Variants in TLCD4 observed in about 807,000 individuals in gnomAD.
The protein encoded by TLCD4 is TLC domain-containing protein 4.
A neutral mutation model predicts 24.2 loss-of-function variants in TLCD4; 7 were observed. The observed-to-expected ratio is 0.29, with a 90% CI of 0.16 to 0.54. TLCD4 has a LOEUF of 0.54. TLCD4 is among the 20% of genes least tolerant of loss of function. TLCD4 has a pLI of 0.95. For synonymous variants in TLCD4, 103 were observed against 106.4 expected (o/e 0.97, Z 0.20); for missense variants, 259 against 313.9 (o/e 0.82, Z 1.32).
chr1:95,112,023 G>A, the TLCD4 span, among the ~76,000 whole-genome samples: 4 of 152,204 alleles, frequency 2.6e-5, no homozygotes, highest in African/African-American at 9.6e-5. Context: ...GGTCAAGGAT[G>A]TCTCAATCTT....
chr1:95,175,174 ACT>A (rs373665039), intron 6 of TLCD4, among the ~76,000 whole-genome samples: 343 of 151,868 alleles, frequency 2.3e-3, no homozygotes, highest in African/African-American at 7.9e-3. Flanking sequence ...CAAAATTGAA[ACT>A]CTACGCCCAT....
At chr1:95,150,070 A>G (rs1043680691) in intron 3 of TLCD4, 138 bp from the exon 4 acceptor site, 1 of 1,240,816 alleles carries the variant, frequency 8.1e-7, no homozygotes, top group South Asian at 1.5e-5. Context: ...GTGTTTTGCA[A>G]TTTTATTTGA....
intron 1 of TLCD4, among the ~76,000 whole-genome samples, chr1:95,128,334 TAAATG>T (rs1183379281): frequency 6.6e-6 from 1 of 152,158 alleles, no homozygotes; most frequent in Non-Finnish European, 1.5e-5. Flanking sequence ...GGAATAAATG[TAAATG>T]AAATAAAACA....
At chr1:95,188,153 C>T (rs990783579) in intron 6 of TLCD4, among the ~76,000 whole-genome samples, 1 of 151,898 alleles carries the variant, frequency 6.6e-6, no homozygotes, top group Admixed American at 6.6e-5. Context: ...TTTGGGAGGC[C>T]GAGGCGGGTG....
chr1:95,098,013 G>A, the TLCD4 span, among the ~76,000 whole-genome samples: 6 of 152,060 alleles, frequency 3.9e-5, no homozygotes, highest in East Asian at 1.9e-4. Flanking sequence ...TATTTGTATC[G>A]TAACAACATT....
chr1:95,102,405 TAG>T, the TLCD4 span, among the ~76,000 whole-genome samples: 2 of 152,212 alleles, frequency 1.3e-5, no homozygotes, highest in East Asian at 3.9e-4. Context: ...TGTACTTGGA[TAG>T]AGAGAGCTGA....
At chr1:95,169,233 A>G (rs571486139) in intron 5 of TLCD4, among the ~76,000 whole-genome samples, 51 of 152,306 alleles carry the variant, frequency 3.3e-4, no homozygotes, top group African/African-American at 1.1e-3. Flanking sequence ...TGGAATATGC[A>G]TATCTAGCAA....
the TLCD4 span, among the ~76,000 whole-genome samples, chr1:95,092,915 T>TAC: frequency 6.6e-6 from 1 of 152,180 alleles, no homozygotes; most frequent in Non-Finnish European, 1.5e-5. Flanking sequence ...CTTTTTGTAT[T>TAC]TTTAGTAGAG....
At chr1:95,177,744 G>A (rs1319296405) in intron 6 of TLCD4, among the ~76,000 whole-genome samples, 1 of 151,864 alleles carries the variant, frequency 6.6e-6, no homozygotes, top group Non-Finnish European at 1.5e-5. Flanking sequence ...TCTCAAGGGG[G>A]TCAGATCTCA....
chr1:95,105,188 A>G, the TLCD4 span, among the ~76,000 whole-genome samples: 1 of 152,228 alleles, frequency 6.6e-6, no homozygotes. Flanking sequence ...TCAACTTGAC[A>G]ATGCAATGAA....
chr1:95,111,072 G>T, the TLCD4 span, among the ~76,000 whole-genome samples: 1 of 151,950 alleles, frequency 6.6e-6, no homozygotes, highest in Non-Finnish European at 1.5e-5. Context: ...CAGGAGGATT[G>T]CTTGAGGCAA....
At chr1:95,171,532 T>C (rs535396045) in intron 5 of TLCD4, among the ~76,000 whole-genome samples, 9 of 152,234 alleles carry the variant, frequency 5.9e-5, no homozygotes, top group Non-Finnish European at 1.2e-4. Context: ...TACCACACTG[T>C]GAATACTGTG....
chr1:95,164,537 C>G (rs1677947306), intron 5 of TLCD4: 1 of 152,262 alleles, frequency 6.6e-6, no homozygotes, highest in African/African-American at 2.4e-5. Context: ...AATGCGGTAC[C>G]TCAGTTGGAA....
chr1:95,141,792 T>TAC (rs3075917), intron 1 of TLCD4, among the ~76,000 whole-genome samples: 5,672 of 138,614 alleles, frequency 0.041, 160 homozygotes, highest in East Asian at 0.074. Flanking sequence ...TTTTACCAAG[T>TAC]ACACACACAC....
chr1:95,143,498 C>T (rs980407315), intron 1 of TLCD4, among the ~76,000 whole-genome samples: 1 of 152,068 alleles, frequency 6.6e-6, no homozygotes. Context: ...GTAACCAACT[C>T]TTTCATATCA....
Position 95,194,099 on chromosome 1 carries a change from A to T in TLCD4, c.*2231A>T, listed in dbSNP as rs1451995542. ...TTTTTATAGTTACTGTTTCATGCTT[A>T]AAACTTCATTCTTACTTTCATTAAT... On this transcript the variant is annotated 3_prime_UTR_variant, in exon 7 of 7. Transcript: ENST00000370203. The T allele has an allele frequency of 6.6e-6, 1 of 152,092 alleles. No homozygotes were observed. Among genetic ancestry groups the T allele is most frequent in the Admixed American group, 6.6e-5 (1 of 15,258 alleles). 9.4% of individuals were successfully genotyped at this position (152,092 alleles called of 1,614,324 possible).
chr1:95,139,622 C>A (rs185180292), intron 1 of TLCD4, among the ~76,000 whole-genome samples: 52 of 151,854 alleles, frequency 3.4e-4, no homozygotes, highest in African/African-American at 1.2e-3. Context: ...CCATGCCTGG[C>A]TAATTTTTTG....
At chr1:95,131,510 G>A (rs1676890237) in intron 1 of TLCD4, among the ~76,000 whole-genome samples, 1 of 152,198 alleles carries the variant, frequency 6.6e-6, no homozygotes, top group East Asian at 1.9e-4. Context: ...ATGAGGGTGG[G>A]TAAGGAAGTG....
intron 5 of TLCD4, 124 bp downstream of exon 5, chr1:95,151,543 G>C (rs1677490455): frequency 8.8e-7 from 1 of 1,131,122 alleles, no homozygotes; most frequent in Non-Finnish European, 1.2e-6. Context: ...TGCATTCAGG[G>C]ATTGCTTTTG....
Sources: gnomAD v4.1 joint callset for allele counts (sites outside exome capture counted in the v4.1 genomes callset) on GRCh38, gnomAD v4.1.1 for gene constraint, MANE v1.5 for transcripts, NCBI Gene and HGNC (gene_info 2026-07-23, HGNC 2026-07-21) for gene names.